Variants in TMEM132E observed in about 807,000 individuals in gnomAD.
The protein encoded by TMEM132E is transmembrane protein 132E.
TMEM132E carries 49 observed loss-of-function variants against 78.5 expected under a neutral mutation model. That is an observed-to-expected ratio of 0.62 (90% CI 0.50 to 0.79). TMEM132E has a LOEUF of 0.79. Ranked by LOEUF, TMEM132E falls within the 30% of genes least tolerant of loss-of-function variation. The pLI, the probability that TMEM132E is intolerant of heterozygous loss-of-function variation, is 0.00. For synonymous variants in TMEM132E, 715 were observed against 670.6 expected, an observed-to-expected ratio of 1.07 and a Z score of -1.02; for missense variants, 1,403 against 1,470.9, an observed-to-expected ratio of 0.95 and a Z score of 0.75.
At chr17:34,604,178 AGCACTGATAACAGTGGG>A (rs1277787148) in intron 1 of TMEM132E, among the ~76,000 whole-genome samples, 1 of 152,202 alleles carries the variant, frequency 6.6e-6, no homozygotes, top group East Asian at 1.9e-4. Flanking sequence ...AAGGTCACAC[AGCACTGATAACAGTGGG>A]GCTGGGACCA....
chr17:34,602,234 C>G (rs980161292), intron 1 of TMEM132E, among the ~76,000 whole-genome samples: 1 of 152,234 alleles, frequency 6.6e-6, no homozygotes, highest in Non-Finnish European at 1.5e-5. Context: ...AATGAACAAT[C>G]GTGCTGCTTT....
intron 1 of TMEM132E, among the ~76,000 whole-genome samples, chr17:34,601,780 T>C (rs953887319): frequency 1.9e-4 from 29 of 152,194 alleles, no homozygotes; most frequent in African/African-American, 6.5e-4. Context: ...TACCTCTCCC[T>C]TCCCCACCCC....
At chr17:34,636,632 C>T (rs1347506487) in intron 8 of TMEM132E, among the ~76,000 whole-genome samples, 3 of 152,082 alleles carry the variant, frequency 2.0e-5, no homozygotes, top group African/African-American at 7.2e-5. Flanking sequence ...GTGCTGAGCC[C>T]GGAGTTAGGA....
In TMEM132E at chr17:34,619,764, C is replaced by T. The variant is rs78189302; in HGVS notation, c.68-6363C>T. ...CTGACTGTATAAGCCTGGGCCCTTCCGTAGGCATTGTTTGCTGTTGTTTTG... is the reference window on the plus strand; with the variant it reads ...CTGACTGTATAAGCCTGGGCCCTTCTGTAGGCATTGTTTGCTGTTGTTTTG... On this transcript the variant is annotated intron_variant, in intron 1 of 8. Coordinates refer to ENST00000631683, the MANE Select transcript of TMEM132E (RefSeq NM_001304438.2). 9.1e-3 allele frequency among the ~76,000 whole-genome samples: 1,382 copies of T among 152,340 alleles called. 9 individuals carry two copies. Among genetic ancestry groups the T allele is most frequent in the Non-Finnish European group, 0.015 (1,004 of 68,028 alleles).
In TMEM132E at chr17:34,632,860, C is replaced by T. The variant is rs1317708511; in HGVS notation, c.1639C>T (p.Arg547Cys). The change falls in exon 6 of 9, where the codon CGC (arginine) becomes TGC (cysteine). Residue 547 changes from arginine (R) to cysteine (C), a missense_variant. Around this residue, in one of 3 missense-constraint regions of TMEM132E, gnomAD observed 888 missense variants for 952.8 expected, o/e 0.93. Coordinates refer to ENST00000631683, the MANE Select transcript of TMEM132E (RefSeq NM_001304438.2). Reference sequence around the variant, plus strand: ...CTTGCACATTGAGCTCTCAGATGCCCGCCTCAGCCAAGTGAAGGGCTGGAG... The same window carrying T: ...CTTGCACATTGAGCTCTCAGATGCCTGCCTCAGCCAAGTGAAGGGCTGGAG... ...LPLHIELSDA[R>C]LSQVKGWRVP... The T allele has an allele frequency of 6.8e-6, 11 of 1,614,050 alleles. No homozygotes were observed. Among genetic ancestry groups the T allele is most frequent in the Middle Eastern group, 1.6e-4 (1 of 6,082 alleles).
chr17:34,597,980 G>A (rs1317261092), intron 1 of TMEM132E, among the ~76,000 whole-genome samples: 1 of 152,018 alleles, frequency 6.6e-6, no homozygotes, highest in Non-Finnish European at 1.5e-5. Context: ...GACAGAATTG[G>A]ACTAAATCAA....
At chr17:34,592,525 A>G (rs1905907912) in intron 1 of TMEM132E, among the ~76,000 whole-genome samples, 1 of 152,222 alleles carries the variant, frequency 6.6e-6, no homozygotes, top group African/African-American at 2.4e-5. Context: ...GGGGAGAGAT[A>G]CAGGCTTGAA....
chr17:34,599,603 C>T (rs545389522), intron 1 of TMEM132E, among the ~76,000 whole-genome samples: 41 of 152,304 alleles, frequency 2.7e-4, no homozygotes, highest in African/African-American at 8.4e-4. Context: ...AACTAGAACT[C>T]AGGCAGTGCT....
chr17:34,610,132 C>T (rs1180252683), intron 1 of TMEM132E, among the ~76,000 whole-genome samples: 4 of 152,190 alleles, frequency 2.6e-5, no homozygotes, highest in Non-Finnish European at 5.9e-5. Flanking sequence ...TCAGAATGCT[C>T]AGGGAGCTCT....
chr17:34,632,208 CAG>C (rs757815907), intron 5 of TMEM132E, among the ~76,000 whole-genome samples: 10 of 152,242 alleles, frequency 6.6e-5, no homozygotes, highest in Admixed American at 2.6e-4. Context: ...GCAGCCATGC[CAG>C]AGAGGCCGTG....
chr17:34,588,685 T>C (rs1281367322), intron 1 of TMEM132E, among the ~76,000 whole-genome samples: 2 of 152,130 alleles, frequency 1.3e-5, no homozygotes, highest in African/African-American at 4.8e-5. Flanking sequence ...CAGTAAATAA[T>C]AAATTCATTG....
chr17:34,619,072 G>T (rs1389237202), intron 1 of TMEM132E, among the ~76,000 whole-genome samples: 4 of 152,180 alleles, frequency 2.6e-5, no homozygotes, highest in African/African-American at 9.7e-5. Flanking sequence ...GGTCCTCCAG[G>T]TCTGGGTTGG....
intron 1 of TMEM132E, among the ~76,000 whole-genome samples, chr17:34,613,677 T>G (rs532042857): frequency 6.6e-6 from 1 of 151,988 alleles, no homozygotes; most frequent in African/African-American, 2.4e-5. Flanking sequence ...TCTCAGCCCT[T>G]CTCCCTAGCT....
intron 5 of TMEM132E, among the ~76,000 whole-genome samples, chr17:34,631,844 A>G (rs570512159): frequency 6.6e-6 from 1 of 152,216 alleles, no homozygotes; most frequent in Non-Finnish European, 1.5e-5. Context: ...ACCTAGATGC[A>G]TGTACACACA....
chr17:34,596,060 A>AC (rs1906048245), intron 1 of TMEM132E, among the ~76,000 whole-genome samples: 1 of 70,446 alleles, frequency 1.4e-5, no homozygotes, highest in African/African-American at 4.2e-5. Context: ...ACACACACAC[A>AC]CACACACGCA....
rs573248903 is a variant in TMEM132E at position 34,596,046 on chromosome 17, TCACACACA to T, written c.67+14917_67+14924del. Among the ~76,000 whole-genome samples the T allele has an allele frequency of 8.0e-4, 57 of 71,490 alleles. 1 individual carries two copies. The highest frequency in any genetic ancestry group is 6.9e-3 in the East Asian group (21 of 3,022). The allele number at this position is 71,490 out of a possible 152,430, so 46.9% of individuals were successfully genotyped here. A position where few individuals can be genotyped will look rare whatever the true frequency, so the allele number is the denominator to read the frequency against. On this transcript the variant is annotated intron_variant, in intron 1 of 8. Coordinates refer to ENST00000631683, the MANE Select transcript of TMEM132E (RefSeq NM_001304438.2). ...CCTCTCTCCCTCTCACGTCTCTCTG[TCACACACA>T]CACACACACACACGCACAACTTGCA...
chr17:34,586,996 T>C (rs1353382893), intron 1 of TMEM132E, among the ~76,000 whole-genome samples: 2 of 152,202 alleles, frequency 1.3e-5, no homozygotes, highest in African/African-American at 4.8e-5. Context: ...TTACATGACT[T>C]TTTTTGTTCA....
rs137976426 is a variant in TMEM132E, at chr17:34,603,424, C to A, written c.67+22281C>A. Among the ~76,000 whole-genome samples the A allele has an allele frequency of 1.1e-4, 16 of 152,254 alleles. No individual in the cohort carries two copies. In the East Asian group the frequency reaches 2.3e-3, roughly 22 times the overall value. ...CCCCACAGCTAGCACCCTGTATAGT[C>A]GTGTTCCACAGAGGCTAGAGTATGA... On this transcript the variant is annotated intron_variant, in intron 1 of 8. Coordinates refer to ENST00000631683, the MANE Select transcript of TMEM132E (RefSeq NM_001304438.2).
intron 1 of TMEM132E, among the ~76,000 whole-genome samples, chr17:34,608,818 C>T (rs1906498585): frequency 6.6e-6 from 1 of 152,146 alleles, no homozygotes; most frequent in Non-Finnish European, 1.5e-5. Context: ...CTTTTGTGGC[C>T]TCATAGGGAA....
Sources: allele counts gnomAD v4.1 joint callset (sites outside exome capture counted in the v4.1 genomes callset), GRCh38; gene constraint gnomAD v4.1.1; regional missense constraint gnomAD v4.1.1; transcripts MANE v1.5; gene names NCBI Gene and HGNC (gene_info 2026-07-23, HGNC 2026-07-21).